The following RYR3 variants were observed in gnomAD, a reference collection of about 807,000 sequenced individuals.
RYR3 encodes brain ryanodine receptor-calcium release channel.
A neutral mutation model predicts 584.3 loss-of-function variants in RYR3; 207 were observed. The observed-to-expected ratio is 0.35, with a 90% CI of 0.32 to 0.40. RYR3 has a LOEUF of 0.40. RYR3 is among the 10% of genes least tolerant of loss of function. RYR3 has a pLI of 1.00. For missense variants in RYR3, 5,616 were observed against 6,089.2 expected (o/e 0.92, Z 2.59); for synonymous variants, 2,416 against 2,248.5 (o/e 1.07, Z -2.11).
Position 33,788,362 on chromosome 15 carries a change from A to G in RYR3, c.9734A>G (p.Gln3245Arg), listed in dbSNP as rs758972087. The G allele has an allele frequency of 1.2e-6, 2 of 1,613,996 alleles. No individual in the cohort carries two copies. The highest frequency in any genetic ancestry group is 1.7e-6 in the Non-Finnish European group (2 of 1,179,876). ...AAAGCCGATGGCAAAGGGGACACCC[A>G]GGAGGCAGAACTCCTCATCCTGGAC... is the stretch of plus-strand genomic sequence containing the variant. The part of the protein sequence containing the change: ...QLKADGKGDT[Q>R]EAELLILDEF... The change falls in exon 67 of 104, where the codon CAG becomes CGG. Residue 3245 changes from glutamine (Q) to arginine (R), a missense_variant. By Grantham distance (43) the Gln-to-Arg change is conservative. Around this residue, in one of 9 missense-constraint regions of RYR3, gnomAD observed 954 missense variants for 1,132.2 expected, o/e 0.84. Transcript: ENST00000634891.
chr15:33,313,966 C>A (rs1484305695), intron 1 of RYR3, among the ~76,000 whole-genome samples: 2 of 152,162 alleles, frequency 1.3e-5, no homozygotes, highest in South Asian at 2.1e-4. Flanking sequence ...ACTGCAGTAA[C>A]CACTGTAGGT....
chr15:33,826,411 T>G, intron 83 of RYR3, 142 bp downstream of exon 83: 2 of 883,070 alleles, frequency 2.3e-6, no homozygotes, highest in Non-Finnish European at 3.8e-6. Context: ...ATTAAAGAAG[T>G]GTCTTCCATC....
At position 33,780,277 on chromosome 15, in the gene RYR3, G is replaced by A. The variant is rs199647896; in HGVS notation, c.9204G>A (p.Glu3068=). ...CTGCCATACCAGTGGCATTCCTGGA[G>A]CCCACCCTTAATCGCTACAATCCAC... is the stretch of plus-strand genomic sequence containing the variant. The part of the protein sequence containing the change: ...LAAAIPVAFL[E]PTLNRYNPLS... The change falls in exon 65 of 104, where the codon GAG becomes GAA. Residue 3068 remains glutamate, a synonymous_variant. Coordinates refer to ENST00000634891, the MANE Select transcript of RYR3 (RefSeq NM_001036.6). 52 of 1,613,924 alleles carry A rather than the reference G, an allele frequency of 3.2e-5. No individual in the cohort carries two copies. Among genetic ancestry groups the A allele is most frequent in the Middle Eastern group, 3.3e-4 (2 of 6,062 alleles).
Position 33,841,927 on chromosome 15 carries a change from A to T in RYR3, c.13101A>T (p.Thr4367=). 6.3e-7 allele frequency: 1 copy of T among 1,599,106 alleles called. No homozygotes were observed. The highest frequency in any genetic ancestry group is 8.5e-7 in the Non-Finnish European group (1 of 1,172,782). Residue 4367 remains threonine (T), a synonymous_variant, in exon 91 of 104, where the codon ACA becomes ACT. Transcript: ENST00000634891. ...KEEEQAEYLW[T]EVTKKKKRRC... ...AGGAGCAAGCTGAGTACCTGTGGACAGAAGTGACAAAAAAGAAGAAGCGGC... is the reference window on the plus strand; with the variant it reads ...AGGAGCAAGCTGAGTACCTGTGGACTGAAGTGACAAAAAAGAAGAAGCGGC...
At chr15:33,435,782 G>A (rs907648223) in intron 1 of RYR3, among the ~76,000 whole-genome samples, 5 of 152,180 alleles carry the variant, frequency 3.3e-5, no homozygotes, top group South Asian at 2.1e-4. Context: ...AGCTCTTAAA[G>A]GTGGTGTGGA....
At chr15:33,582,341 A>T (rs2058637300) in intron 14 of RYR3, among the ~76,000 whole-genome samples, 1 of 152,150 alleles carries the variant, frequency 6.6e-6, no homozygotes, top group Non-Finnish European at 1.5e-5. Context: ...CACTGAGAGG[A>T]AATCTATCAT....
rs2070667803 is a variant in RYR3 at position 33,745,995 on chromosome 15, G to T, written c.7900-73G>T. 3.1e-6 allele frequency: 3 copies of T among 957,690 alleles called. No homozygotes were observed. The South Asian group carries it at 4.2e-5, about 13-fold the overall frequency. 59.3% of individuals were successfully genotyped at this position (957,690 alleles called of 1,614,324 possible). A position where few individuals can be genotyped will look rare whatever the true frequency, so the allele number is the denominator to read the frequency against. ...TTACTCCACTTGCTCCATGAAAATA[G>T]AAGCAGGGATTTGGGTCACATAGCG... On this transcript the variant is annotated intron_variant, in intron 52 of 103. Transcript: ENST00000634891.
chr15:33,774,373 G>T (rs1432275127), intron 64 of RYR3, among the ~76,000 whole-genome samples: 4 of 152,180 alleles, frequency 2.6e-5, no homozygotes, highest in Non-Finnish European at 5.9e-5. Context: ...AAAGAATTCG[G>T]TCTGTGCTTA....
chr15:33,553,054 G>A (rs1172972438), intron 10 of RYR3, among the ~76,000 whole-genome samples: 1 of 152,170 alleles, frequency 6.6e-6, no homozygotes, highest in African/African-American at 2.4e-5. Flanking sequence ...GCCTGAGATA[G>A]CGGTTCAGGA....
At chr15:33,815,972 C>T (rs2076792055) in intron 74 of RYR3, 2 of 398,272 alleles carry the variant, frequency 5.0e-6, no homozygotes, top group African/African-American at 4.1e-5. Flanking sequence ...ATTCTCTGCA[C>T]ACTCCTCCTT....
chr15:33,400,211 T>C (rs77402216), intron 1 of RYR3, among the ~76,000 whole-genome samples: 2,798 of 152,308 alleles, frequency 0.018, 87 homozygotes, highest in African/African-American at 0.064. Context: ...CCTAACACTA[T>C]GGTCACCATA....
At chr15:33,857,738 A>T in intron 98 of RYR3, 42 bp from the exon 99 acceptor site, 1 of 1,611,760 alleles carries the variant, frequency 6.2e-7, no homozygotes, top group Non-Finnish European at 8.5e-7. Flanking sequence ...CAAGGTAGAG[A>T]AGACCCCACT....
chr15:33,723,557 G>A (rs2068106090), intron 44 of RYR3, among the ~76,000 whole-genome samples: 1 of 152,190 alleles, frequency 6.6e-6, no homozygotes, highest in Admixed American at 6.5e-5. Flanking sequence ...TAACCCAGCA[G>A]CAGAAACTCT....
chr15:33,756,126 A>G (rs147056535), intron 58 of RYR3, among the ~76,000 whole-genome samples, 180 bp from the exon 59 acceptor site: 1 of 152,206 alleles, frequency 6.6e-6, no homozygotes. Context: ...GAAACAGCTT[A>G]AAGAATTGAC....
chr15:33,700,643 C>T (rs966633804), intron 41 of RYR3, among the ~76,000 whole-genome samples: 26 of 152,110 alleles, frequency 1.7e-4, no homozygotes, highest in African/African-American at 6.3e-4. Flanking sequence ...CAGAAATATA[C>T]AGGTTCCACT....
At chr15:33,523,557 G>C (rs1365907317) in intron 3 of RYR3, among the ~76,000 whole-genome samples, 1 of 152,108 alleles carries the variant, frequency 6.6e-6, no homozygotes, top group African/African-American at 2.4e-5. Flanking sequence ...CACACTATCT[G>C]TCCACCCCTC....
chr15:33,785,778 C>T lies in RYR3; in HGVS notation c.9385C>T (p.His3129Tyr). Residue 3129 changes from histidine (H) to tyrosine (Y), a missense_variant, in exon 66 of 104, where the codon CAT becomes TAT. Transcript: ENST00000634891. ...AGGGGCCCGGTACACAGAGATGCCC[C>T]ATGTCATCGAGGTGATCTTACCCAT... ...ESGARYTEMP[H>Y]VIEVILPMLC... The T allele has an allele frequency of 6.2e-7, 1 of 1,613,974 alleles. No homozygotes were observed. Among genetic ancestry groups the T allele is most frequent in the South Asian group, 1.1e-5 (1 of 91,078 alleles).
At chr15:33,706,787 C>T (rs954964791) in intron 42 of RYR3, 132 bp from the exon 43 acceptor site, 23 of 771,146 alleles carry the variant, frequency 3.0e-5, no homozygotes, top group Non-Finnish European at 4.3e-5. Context: ...TACCATTTTA[C>T]ATTCTCACCA....
At chr15:33,864,824 C>T (rs919805938) in intron 103 of RYR3, 1 of 279,878 alleles carries the variant, frequency 3.6e-6, no homozygotes, top group East Asian at 6.6e-5. Context: ...CTTCCACCAG[C>T]GGCATGGAAT....
Sources: allele counts gnomAD v4.1 joint callset (sites outside exome capture counted in the v4.1 genomes callset), GRCh38; gene constraint gnomAD v4.1.1; regional missense constraint gnomAD v4.1.1; transcripts MANE v1.5; gene names NCBI Gene and HGNC (gene_info 2026-07-23, HGNC 2026-07-21).